The following GDAP1 variants were observed in gnomAD, a reference collection of about 807,000 sequenced individuals.
GDAP1 encodes the protein ganglioside-induced differentiation-associated protein 1.
GDAP1 carries 34 observed loss-of-function variants against 40.1 expected under a neutral mutation model. That is an observed-to-expected ratio of 0.85 (90% CI 0.64 to 1.13). The LOEUF is 1.13. Ranked by LOEUF, GDAP1 falls within the 50% of genes most tolerant of loss-of-function variation. The pLI, the probability that GDAP1 is intolerant of heterozygous loss-of-function variation, is 0.00. For missense variants in GDAP1, 374 were observed against 433.7 expected (o/e 0.86, Z 1.22); for synonymous variants, 170 against 157.4 (o/e 1.08, Z -0.60).
intron 2 of GDAP1, among the ~76,000 whole-genome samples, chr8:74,354,428 C>T (rs1809011359): frequency 6.6e-6 from 1 of 152,090 alleles, no homozygotes. Flanking sequence ...TTGAGCCTAA[C>T]AAATCAATGA....
In GDAP1 at chr8:74,365,806, C is replaced by A; in HGVS notation, c.*1439C>A. On this transcript the variant is annotated 3_prime_UTR_variant, in exon 6 of 6. Transcript: ENST00000220822. ...CCGATTTACAAAAAAATTAATAAAA[C>A]CTCCAGAGTAAACTCAGTCAAACAA... 1 of 453,660 alleles carries A rather than the reference C, an allele frequency of 2.2e-6. No individual in the cohort carries two copies. The highest frequency in any genetic ancestry group is 1.6e-5 in the South Asian group (1 of 64,208). 28.1% of individuals were successfully genotyped at this position (453,660 alleles called of 1,614,324 possible).
rs758684020 is a variant in GDAP1, at chr8:74,350,424, C to T, written c.-38C>T. 2 of 1,283,932 alleles carry T rather than the reference C, an allele frequency of 1.6e-6. No individual in the cohort carries two copies. Among genetic ancestry groups the T allele is most frequent in the Non-Finnish European group, 2.3e-6 (2 of 883,644 alleles). The allele number at this position is 1,283,932 out of a possible 1,614,324, so 79.5% of individuals were successfully genotyped here. A position where few individuals can be genotyped will look rare whatever the true frequency, so the allele number is the denominator to read the frequency against. ...CAGTGTGGGAGGGAGAAGTCCAGGG[C>T]GGACAGGCTGGGCGCACCCGTGCTC... is the stretch of plus-strand genomic sequence containing the variant. On this transcript the variant is annotated 5_prime_UTR_variant, in exon 1 of 6. Coordinates refer to ENST00000220822, the MANE Select transcript of GDAP1 (RefSeq NM_018972.4).
intron 2 of GDAP1, among the ~76,000 whole-genome samples, chr8:74,426,511 T>G (rs1805949514): frequency 6.6e-6 from 1 of 152,250 alleles, no homozygotes; most frequent in Admixed American, 6.5e-5. Context: ...TGCAATTCTG[T>G]GTATTATAGT....
chr8:74,397,303 G>T (rs1409802513), intron 2 of GDAP1, among the ~76,000 whole-genome samples: 14 of 151,540 alleles, frequency 9.2e-5, no homozygotes, highest in Non-Finnish European at 1.5e-4. Flanking sequence ...CCATTTTGTA[G>T]GTTGCCTGTT....
At chr8:74,369,838 A>G (rs994562460), downstream of GDAP1, among the ~76,000 whole-genome samples, 3 of 152,208 alleles carry the variant, frequency 2.0e-5, no homozygotes, top group Non-Finnish European at 4.4e-5. Flanking sequence ...TACACAAGAG[A>G]ATGATGATAA....
At chr8:74,390,651 G>T (rs573758364) in intron 2 of GDAP1, among the ~76,000 whole-genome samples, 4 of 152,208 alleles carry the variant, frequency 2.6e-5, no homozygotes, top group African/African-American at 9.6e-5. Context: ...CAGTCAGAAG[G>T]CATGGGGATC....
chr8:74,397,198 G>GTT (rs1168855742), intron 2 of GDAP1, among the ~76,000 whole-genome samples: 2 of 97,866 alleles, frequency 2.0e-5, no homozygotes, highest in Non-Finnish European at 4.2e-5. Flanking sequence ...CTTTTTGATG[G>GTT]GTTTTTTTTT....
chr8:74,362,231 G>A (rs537418707), intron 4 of GDAP1, among the ~76,000 whole-genome samples: 6 of 152,282 alleles, frequency 3.9e-5, no homozygotes, highest in African/African-American at 1.4e-4. Flanking sequence ...TGCAAAGGAA[G>A]TTCATAACAT....
At chr8:74,442,466 G>A (rs1806174966) in intron 2 of GDAP1, among the ~76,000 whole-genome samples, 1 of 152,022 alleles carries the variant, frequency 6.6e-6, no homozygotes, top group African/African-American at 2.4e-5. Flanking sequence ...CCATTCCTGA[G>A]GCCACAATTT....
intron 2 of GDAP1, among the ~76,000 whole-genome samples, chr8:74,389,915 T>G (rs572609281): frequency 2.0e-5 from 3 of 152,204 alleles, no homozygotes; most frequent in Non-Finnish European, 4.4e-5. Flanking sequence ...CAAGCTTTAT[T>G]TCATTAAGTT....
chr8:74,402,237 C>T lies in GDAP1; in HGVS notation c.165+50916C>T, dbSNP rs961159268. 2.2e-4 allele frequency among the ~76,000 whole-genome samples: 33 copies of T among 150,546 alleles called. 1 individual carries two copies. Among genetic ancestry groups the T allele is most frequent in the Non-Finnish European group, 4.0e-4 (27 of 68,050 alleles). ...TGGAGCTTCCCGGCTGCTTTGTTTA[C>T]CTAAGCAAGCCTGGGCAATGGCGGG... is the stretch of plus-strand genomic sequence containing the variant. On this transcript the variant is annotated intron_variant, in intron 2 of 2. Coordinates refer to the GDAP1 transcript ENST00000523640.
chr8:74,427,995 G>T (rs1805969738), intron 2 of GDAP1, among the ~76,000 whole-genome samples: 1 of 152,080 alleles, frequency 6.6e-6, no homozygotes, highest in Non-Finnish European at 1.5e-5. Context: ...ATGTTTTCCT[G>T]AAATTTTAGC....
chr8:74,433,109 G>T (rs1472741008), intron 2 of GDAP1, among the ~76,000 whole-genome samples: 11 of 152,126 alleles, frequency 7.2e-5, no homozygotes, highest in Admixed American at 7.2e-4. Flanking sequence ...TTCCGTGGTT[G>T]GTGCCTGCTC....
At chr8:74,360,106 T>C in intron 2 of GDAP1, 31 bp from the exon 3 acceptor site, 2 of 1,567,004 alleles carry the variant, frequency 1.3e-6, no homozygotes, top group Middle Eastern at 1.7e-4. Context: ...TGTGTAACTT[T>C]TTCTTCAATA....
chr8:74,456,621 T>C (rs191613840), intron 2 of GDAP1, among the ~76,000 whole-genome samples: 195 of 152,052 alleles, frequency 1.3e-3, no homozygotes, highest in Middle Eastern at 3.4e-3. Context: ...CTAGTAGATA[T>C]GGACAGGAGA....
In GDAP1 at chr8:74,414,703, G is replaced by A. The variant is rs116592305; in HGVS notation, c.165+63382G>A. Among the ~76,000 whole-genome samples, 919 of 149,210 alleles carry A rather than the reference G, an allele frequency of 6.2e-3. 101 individuals carry two copies. The highest frequency in any genetic ancestry group is 0.022 in the African/African-American group (860 of 39,140). On this transcript the variant is annotated intron_variant, in intron 2 of 2. Coordinates refer to the GDAP1 transcript ENST00000523640. Reference sequence around the variant, plus strand: ...GGTACTTGTAGGACAATACCAAAAGGTCTAACACTGATGTCATCAGAGTCT... The same window carrying A: ...GGTACTTGTAGGACAATACCAAAAGATCTAACACTGATGTCATCAGAGTCT...
At position 74,381,645 on chromosome 8, in the gene GDAP1, A is replaced by G. The variant is rs564412195; in HGVS notation, c.165+30324A>G. Among the ~76,000 whole-genome samples, 6 of 151,846 alleles carry G rather than the reference A, an allele frequency of 4.0e-5. No individual in the cohort carries two copies. The South Asian group carries it at 8.3e-4, about 21-fold the overall frequency. ...GTGGCAGGTGCCTGTAATCCCAGCT[A>G]CTCGGGAGGCTGAGGCAGGAGAATC... On this transcript the variant is annotated intron_variant, in intron 2 of 2. Coordinates refer to the GDAP1 transcript ENST00000523640.
intron 2 of GDAP1, among the ~76,000 whole-genome samples, chr8:74,383,173 A>G (rs756379288): frequency 6.6e-6 from 1 of 152,210 alleles, no homozygotes; most frequent in African/African-American, 2.4e-5. Flanking sequence ...ATTTAAACAC[A>G]TCCAAATTCA....
At chr8:74,408,532 A>T (rs1247863021) in intron 2 of GDAP1, among the ~76,000 whole-genome samples, 1 of 150,078 alleles carries the variant, frequency 6.7e-6, no homozygotes, top group East Asian at 1.9e-4. Flanking sequence ...TCAGGACTTA[A>T]TGAAAAGGCA....
Sources: allele counts gnomAD v4.1 joint callset (sites outside exome capture counted in the v4.1 genomes callset), GRCh38; gene constraint gnomAD v4.1.1; transcripts MANE v1.5; gene names NCBI Gene and HGNC (gene_info 2026-07-23, HGNC 2026-07-21).